The following CDYL2 variants were observed in gnomAD, a reference collection of about 807,000 sequenced individuals.
CDYL2 encodes the protein chromodomain Y like 2.
Under a neutral mutation model 49.4 loss-of-function variants are expected in CDYL2, and 23 were observed. The ratio of observed to expected loss-of-function variants is 0.47; its 90% CI spans 0.34 to 0.66. The LOEUF (loss-of-function observed/expected upper bound fraction) is 0.66, where lower values mean the gene tolerates loss of function less well. Ranked by LOEUF, CDYL2 falls within the 30% of genes least tolerant of loss-of-function variation. The pLI, the probability that CDYL2 is intolerant of heterozygous loss-of-function variation, is 0.01. For synonymous variants in CDYL2, 360 were observed against 268.8 expected (o/e 1.34, Z -3.32); for missense variants, 678 against 656.4 (o/e 1.03, Z -0.36).
intron 1 of CDYL2, among the ~76,000 whole-genome samples, chr16:80,768,910 T>G (rs1385152939): frequency 6.6e-6 from 1 of 152,214 alleles, no homozygotes; most frequent in African/African-American, 2.4e-5. Flanking sequence ...ATAATAAGTA[T>G]CCATAAATAT....
intron 1 of CDYL2, among the ~76,000 whole-genome samples, chr16:80,741,877 C>T (rs1292024179): frequency 6.6e-6 from 1 of 152,132 alleles, no homozygotes; most frequent in Non-Finnish European, 1.5e-5. Context: ...TTTGGCAACG[C>T]CCATGAAAAA....
At chr16:80,775,041 A>G (rs147944276) in intron 1 of CDYL2, among the ~76,000 whole-genome samples, 2,144 of 152,108 alleles carry the variant, frequency 0.014, 23 homozygotes, top group Non-Finnish European at 0.02. Context: ...TTAGGTAACT[A>G]TATTATATCT....
chr16:80,747,391 T>C (rs1015583913), intron 1 of CDYL2, among the ~76,000 whole-genome samples: 10 of 152,088 alleles, frequency 6.6e-5, no homozygotes, highest in Admixed American at 5.9e-4. Flanking sequence ...AAAATACCTA[T>C]ACCTCATAGG....
intron 1 of CDYL2, among the ~76,000 whole-genome samples, chr16:80,755,566 T>C (rs1906282900): frequency 6.6e-6 from 1 of 152,224 alleles, no homozygotes. Flanking sequence ...TTTGACCTGC[T>C]CATTTTGCTT....
At chr16:80,726,694 C>G (rs999844556) in intron 1 of CDYL2, among the ~76,000 whole-genome samples, 1 of 152,120 alleles carries the variant, frequency 6.6e-6, no homozygotes, top group East Asian at 1.9e-4. Context: ...ATGTTTGACT[C>G]TAGGGTTGAA....
At chr16:80,723,222 C>G (rs138487238) in intron 1 of CDYL2, among the ~76,000 whole-genome samples, 25 of 152,324 alleles carry the variant, frequency 1.6e-4, no homozygotes, top group African/African-American at 6.0e-4. Context: ...CATCTCCTCT[C>G]GGAGCTTTTC....
chr16:80,649,195 A>C (rs773687482), intron 2 of CDYL2, among the ~76,000 whole-genome samples: 1 of 152,178 alleles, frequency 6.6e-6, no homozygotes, highest in Non-Finnish European at 1.5e-5. Flanking sequence ...GAAAGAAAGC[A>C]AATTATTCTT....
intron 1 of CDYL2, among the ~76,000 whole-genome samples, chr16:80,776,246 T>G (rs946908407): frequency 1.1e-4 from 16 of 152,124 alleles, no homozygotes; most frequent in Non-Finnish European, 5.9e-5. Flanking sequence ...ATAAGTAAGT[T>G]AAGCACTCAA....
intron 1 of CDYL2, among the ~76,000 whole-genome samples, chr16:80,731,787 C>T (rs1905334153): frequency 6.6e-6 from 1 of 152,090 alleles, no homozygotes; most frequent in Non-Finnish European, 1.5e-5. Flanking sequence ...AATGCGAAAT[C>T]TCTAAAGGTT....
At chr16:80,620,535 G>A (rs1907031716) in intron 4 of CDYL2, among the ~76,000 whole-genome samples, 1 of 152,188 alleles carries the variant, frequency 6.6e-6, no homozygotes, top group Admixed American at 6.5e-5. Context: ...AATTTTGGCA[G>A]GACCATGGTT....
chr16:80,683,645 T>A (rs369098832), intron 2 of CDYL2, among the ~76,000 whole-genome samples: 4 of 152,208 alleles, frequency 2.6e-5, no homozygotes, highest in African/African-American at 9.6e-5. Context: ...AAATTTCATA[T>A]GAAGAAACCT....
intron 2 of CDYL2, among the ~76,000 whole-genome samples, chr16:80,663,456 T>C (rs28375700): frequency 0.035 from 5,393 of 152,214 alleles, 314 homozygotes; most frequent in African/African-American, 0.12. Context: ...CACAGTTAAC[T>C]GTCATCTGGC....
chr16:80,768,567 G>C (rs1465729311), intron 1 of CDYL2, among the ~76,000 whole-genome samples: 1 of 152,176 alleles, frequency 6.6e-6, no homozygotes, highest in Non-Finnish European at 1.5e-5. Context: ...ATGGCACAAG[G>C]CACGATCAAG....
intron 3 of CDYL2, among the ~76,000 whole-genome samples, chr16:80,629,263 T>A (rs1250820413): frequency 6.6e-6 from 1 of 152,104 alleles, no homozygotes; most frequent in Non-Finnish European, 1.5e-5. Context: ...GCAGGAAGCA[T>A]GAAAGGAGGC....
chr16:80,605,460 T>G lies in CDYL2; in HGVS notation c.1363-914A>C, dbSNP rs1034862686. On this transcript the variant is annotated intron_variant, in intron 6 of 6. Transcript: ENST00000570137. ...CCCACAGTGTTACTATGATGATTAC[T>G]ACCATCATCATAGTAATGAGCAATA... Among the ~76,000 whole-genome samples, 4 of 148,944 alleles carry G rather than the reference T, an allele frequency of 2.7e-5. No homozygotes were observed. The Admixed American group carries it at 2.7e-4, about 10-fold the overall frequency.
chr16:80,698,260 T>C (rs928990256), intron 1 of CDYL2, among the ~76,000 whole-genome samples: 1 of 152,192 alleles, frequency 6.6e-6, no homozygotes, highest in Non-Finnish European at 1.5e-5. Flanking sequence ...GACAGGATTA[T>C]GTCAAACTAA....
At chr16:80,755,055 T>A (rs1597117073) in intron 1 of CDYL2, among the ~76,000 whole-genome samples, 2 of 152,158 alleles carry the variant, frequency 1.3e-5, no homozygotes, top group African/African-American at 4.8e-5. Context: ...TGTGCTTAAA[T>A]CCTCAACCAG....
chr16:80,783,467 T>C (rs1334440470), intron 1 of CDYL2, among the ~76,000 whole-genome samples: 2 of 152,076 alleles, frequency 1.3e-5, no homozygotes, highest in African/African-American at 4.8e-5. Flanking sequence ...AAAATAGAAT[T>C]ACCATGGAAC....
At chr16:80,803,463 C>A (rs1209678006) in intron 1 of CDYL2, among the ~76,000 whole-genome samples, 1 of 152,112 alleles carries the variant, frequency 6.6e-6, no homozygotes, top group African/African-American at 2.4e-5. Context: ...GAGCACGACA[C>A]CCGCAAGGGC....
Sources: gnomAD v4.1 joint callset for allele counts (sites outside exome capture counted in the v4.1 genomes callset) on GRCh38, gnomAD v4.1.1 for gene constraint, MANE v1.5 for transcripts, NCBI Gene and HGNC (gene_info 2026-07-23, HGNC 2026-07-21) for gene names.